The following ZNF280C variants were observed in gnomAD, a reference collection of about 807,000 sequenced individuals.
The protein encoded by ZNF280C is zinc finger protein 280C, also known as suppressor of hairy wing homolog 3.
ZNF280C carries 14 observed loss-of-function variants against 53.6 expected under a neutral mutation model. The observed-to-expected ratio is 0.26, with a 90% CI of 0.17 to 0.41. The LOEUF (loss-of-function observed/expected upper bound fraction) is 0.41. Among genes scored for constraint, ZNF280C ranks in the 10% least tolerant of loss-of-function variants. The pLI, the probability that ZNF280C is intolerant of heterozygous loss-of-function variation, is 1.00. For missense variants in ZNF280C, 416 were observed against 547.1 expected (o/e 0.76, Z 2.39); for synonymous variants, 203 against 181.1 (o/e 1.12, Z -0.97).
chrX:130,232,152 A>G (rs976272645), intron 8 of ZNF280C, among the ~76,000 whole-genome samples: 6 of 106,457 alleles, frequency 5.6e-5, no homozygotes, highest in Admixed American at 5.3e-4. Flanking sequence ...CTAACCTGCC[A>G]TTCTCCAGAC....
At chrX:130,243,404 G>A (rs762958919) in intron 5 of ZNF280C, among the ~76,000 whole-genome samples, 159 bp downstream of exon 5, 5 of 112,156 alleles carry the variant, frequency 4.5e-5, no homozygotes, top group South Asian at 3.7e-4. Flanking sequence ...GGCTGGTCTC[G>A]AACTCCTGGG....
intron 2 of ZNF280C, among the ~76,000 whole-genome samples, chrX:130,251,503 G>A (rs893130659): frequency 9.0e-6 from 1 of 110,537 alleles, no homozygotes; most frequent in African/African-American, 3.3e-5. Context: ...GAGTAGCGCA[G>A]GAGAATATCA....
chrX:130,253,500 C>T (rs1165073200), intron 2 of ZNF280C, among the ~76,000 whole-genome samples: 1 of 112,031 alleles, frequency 8.9e-6, no homozygotes, highest in Non-Finnish European at 1.9e-5. Flanking sequence ...ATCATGCTAC[C>T]TGCCTTCAAA....
intron 8 of ZNF280C, 26 bp downstream of exon 8, chrX:130,236,188 C>T (rs1456884817): frequency 9.7e-7 from 1 of 1,035,306 alleles, no homozygotes. Context: ...ACATTTTTAA[C>T]AATTGAACTT....
At chrX:130,218,610 T>C (rs1309809391) in intron 13 of ZNF280C, among the ~76,000 whole-genome samples, 1 of 112,191 alleles carries the variant, frequency 8.9e-6, no homozygotes, top group Non-Finnish European at 1.9e-5. Flanking sequence ...GAAGCAGAAC[T>C]TGTTAGCTTG....
rs2032716615 is a variant in ZNF280C, at chrX:130,268,645, CAT to C, written c.-17+115_-17+116del. 2.7e-5 allele frequency: 3 copies of C among 112,548 alleles called. No homozygotes were observed. In the Admixed American group the frequency reaches 2.8e-4, roughly 10 times the overall value. 9.3% of individuals were successfully genotyped at this position (112,548 alleles called of 1,213,427 possible). ...CCGCACCCCCGTCGATCCGCACCGG[CAT>C]AGAGACCCTCAGCCAGCCGCCCTCA... On this transcript the variant is annotated intron_variant, in intron 1 of 18. Coordinates refer to ENST00000370978, the MANE Select transcript of ZNF280C (RefSeq NM_017666.5).
At chrX:130,255,825 C>T (rs769802536) in intron 2 of ZNF280C, among the ~76,000 whole-genome samples, 49 of 111,423 alleles carry the variant, frequency 4.4e-4, no homozygotes, top group African/African-American at 1.5e-3. Flanking sequence ...CATGGTGGTG[C>T]GCACCTGTAA....
chrX:130,228,238 A>C (rs190653622), intron 10 of ZNF280C, among the ~76,000 whole-genome samples: 1 of 112,593 alleles, frequency 8.9e-6, no homozygotes, highest in Admixed American at 9.4e-5. Flanking sequence ...GTGCCAAGGA[A>C]GTTTCCACTA....
intron 16 of ZNF280C, among the ~76,000 whole-genome samples, chrX:130,207,905 T>C (rs969081274): frequency 9.0e-6 from 1 of 111,645 alleles, no homozygotes; most frequent in Non-Finnish European, 1.9e-5. Flanking sequence ...TGAATTACTG[T>C]AGTTATTTAT....
chrX:130,209,312 TGTACA>T (rs892188264), intron 16 of ZNF280C, among the ~76,000 whole-genome samples: 27 of 112,702 alleles, frequency 2.4e-4, no homozygotes, highest in African/African-American at 8.0e-4. Flanking sequence ...ATTTTTTTTC[TGTACA>T]GTAAACAACT....
intron 2 of ZNF280C, among the ~76,000 whole-genome samples, chrX:130,258,040 C>T (rs920827838): frequency 9.0e-6 from 1 of 111,573 alleles, no homozygotes; most frequent in African/African-American, 3.3e-5. Flanking sequence ...ATCACTTGAT[C>T]CTGAGTGGCA....
chrX:130,255,266 A>G (rs1203683510), intron 2 of ZNF280C, among the ~76,000 whole-genome samples: 3 of 98,929 alleles, frequency 3.0e-5, no homozygotes, highest in Non-Finnish European at 4.1e-5. Flanking sequence ...TCAGCCTCCC[A>G]AGTAGCTGGG....
At chrX:130,248,980 C>T (rs1219324137) in intron 2 of ZNF280C, among the ~76,000 whole-genome samples, 6 of 111,893 alleles carry the variant, frequency 5.4e-5, no homozygotes, top group Non-Finnish European at 1.1e-4. Flanking sequence ...TGCCATACTA[C>T]CATTGTAGTC....
intron 12 of ZNF280C, among the ~76,000 whole-genome samples, chrX:130,221,156 G>A (rs938880112): frequency 9.0e-6 from 1 of 111,237 alleles, no homozygotes; most frequent in African/African-American, 3.3e-5. Context: ...AATATATAAA[G>A]ATAAGGTGTT....
rs200539354 is a variant in ZNF280C, at chrX:130,215,146, A to G, written c.1979+47T>C. ...GGATAACTCTGTTTTCAAAAAACAA[A>G]TGACCCAAATGGAAATTCTGATTGG... On this transcript the variant is annotated intron_variant, in intron 15 of 18. Coordinates refer to ENST00000370978, the MANE Select transcript of ZNF280C (RefSeq NM_017666.5). 1.3e-4 allele frequency: 159 copies of G among 1,186,395 alleles called. 1 individual carries two copies. The Middle Eastern group carries it at 2.6e-3, about 19-fold the overall frequency.
chrX:130,208,633 G>T lies in ZNF280C; in HGVS notation c.2042+1020C>A, dbSNP rs1352189500. ...ATTCTTATAAGCATTTTTCAGTAAA[G>T]GTAACACCTAATATATTTTACTCTT... On this transcript the variant is annotated intron_variant, in intron 16 of 18. Transcript: ENST00000370978. 2.9e-4 allele frequency among the ~76,000 whole-genome samples: 32 copies of T among 111,083 alleles called. No individual in the cohort carries two copies. The East Asian group carries it at 5.9e-3, about 20-fold the overall frequency.
intron 2 of ZNF280C, among the ~76,000 whole-genome samples, chrX:130,249,964 C>T (rs998482548): frequency 2.7e-5 from 3 of 111,749 alleles, no homozygotes; most frequent in East Asian, 2.8e-4. Context: ...TAGAAAAGAA[C>T]GTAACTGACC....
intron 2 of ZNF280C, among the ~76,000 whole-genome samples, chrX:130,256,232 A>G (rs1472149008): frequency 8.9e-6 from 1 of 112,168 alleles, no homozygotes; most frequent in South Asian, 3.7e-4. Context: ...AAGACTTAAG[A>G]AGGAGAATGG....
intron 12 of ZNF280C, 104 bp downstream of exon 12, chrX:130,226,655 G>C (rs2032223687): frequency 1.2e-6 from 1 of 841,843 alleles, no homozygotes; most frequent in Admixed American, 3.7e-5. Flanking sequence ...TCTAACCAAT[G>C]TTCTACGTTA....
Sources: allele counts gnomAD v4.1 joint callset (sites outside exome capture counted in the v4.1 genomes callset), GRCh38; gene constraint gnomAD v4.1.1; transcripts MANE v1.5; gene names NCBI Gene and HGNC (gene_info 2026-07-23, HGNC 2026-07-21).